SLC2A10: variants seen among roughly 807,000 people sequenced by gnomAD.
SLC2A10 encodes solute carrier family 2, facilitated glucose transporter member 10.
SLC2A10 carries 25 observed loss-of-function variants against 32.1 expected under a neutral mutation model. That is an observed-to-expected ratio of 0.78 (90% CI 0.57 to 1.09). The LOEUF (loss-of-function observed/expected upper bound fraction) is 1.09. Among genes scored for constraint, SLC2A10 ranks in the 50% least tolerant of loss-of-function variants. SLC2A10 has a pLI of 0.00. For missense variants in SLC2A10, 673 were observed against 686.5 expected, an observed-to-expected ratio of 0.98 and a Z score of 0.22; for synonymous variants, 332 against 309.6, an observed-to-expected ratio of 1.07 and a Z score of -0.76.
intron 1 of SLC2A10, among the ~76,000 whole-genome samples, chr20:46,722,697 C>T (rs2425903): frequency 0.46 from 69,818 of 152,050 alleles, 16,674 homozygotes; most frequent in East Asian, 0.69. Context: ...TAAAGTTTCT[C>T]ACACTATGCC....
chr20:46,709,358 G>T (rs1032798584), upstream of SLC2A10: 1 of 326,388 alleles, frequency 3.1e-6, no homozygotes, highest in East Asian at 6.4e-5. Context: ...GAGGCCAGGG[G>T]AAGACAGTGC....
chr20:46,731,512 C>T (rs985555105), intron 4 of SLC2A10, among the ~76,000 whole-genome samples: 3 of 152,160 alleles, frequency 2.0e-5, no homozygotes, highest in Admixed American at 6.5e-5. Flanking sequence ...TAAAAAGCAA[C>T]GGAGGCAGAA....
chr20:46,729,578 T>C, intron 4 of SLC2A10, 90 bp downstream of exon 4: 1 of 1,472,860 alleles, frequency 6.8e-7, no homozygotes, highest in East Asian at 2.3e-5. Flanking sequence ...GCTTTCCTTT[T>C]GCAAGCGGGC....
intron 1 of SLC2A10, among the ~76,000 whole-genome samples, chr20:46,719,129 G>T (rs1044117180): frequency 9.9e-5 from 15 of 151,936 alleles, no homozygotes; most frequent in African/African-American, 3.4e-4. Flanking sequence ...GCGGAGGGGG[G>T]TGTTGTTGTT....
Position 46,735,757 on chromosome 20 carries a change from G to T in SLC2A10, c.*1923G>T, listed in dbSNP as rs1340385760. ...TCAGTAATGCAAATTAAACTTTAAA[G>T]TATGTCTTGTTTGTAGCCAATACAT... On this transcript the variant is annotated 3_prime_UTR_variant, in exon 5 of 5. Transcript: ENST00000359271. 6.6e-6 allele frequency: 1 copy of T among 152,208 alleles called. No homozygotes were observed. Among genetic ancestry groups the T allele is most frequent in the South Asian group, 2.1e-4 (1 of 4,830 alleles). 9.4% of individuals were successfully genotyped at this position (152,208 alleles called of 1,614,324 possible). A position where few individuals can be genotyped will look rare whatever the true frequency, so the allele number is the denominator to read the frequency against.
intron 1 of SLC2A10, chr20:46,709,949 C>A: frequency 1.7e-6 from 1 of 575,168 alleles, no homozygotes; most frequent in Non-Finnish European, 3.0e-6. Flanking sequence ...ATCTTCCTTT[C>A]TGCCCCGGAA....
chr20:46,724,623 GTGGT>G (rs1296134921), intron 1 of SLC2A10, among the ~76,000 whole-genome samples: 2 of 136,510 alleles, frequency 1.5e-5, no homozygotes, highest in Admixed American at 1.4e-4. Flanking sequence ...TAGATGGATG[GTGGT>G]TGGATGGATG....
intron 1 of SLC2A10, among the ~76,000 whole-genome samples, chr20:46,721,053 G>T (rs1027114479): frequency 1.3e-5 from 2 of 152,180 alleles, no homozygotes; most frequent in African/African-American, 2.4e-5. Context: ...CCATGTGACA[G>T]TGTAGCCAGA....
chr20:46,725,664 G>A lies in SLC2A10; in HGVS notation c.628G>A (p.Gly210Ser). 1.2e-6 allele frequency: 2 copies of A among 1,613,978 alleles called. No homozygotes were observed. Among genetic ancestry groups the A allele is most frequent in the Non-Finnish European group, 1.7e-6 (2 of 1,179,946 alleles). ...PLQGGEAPKL[G>S]PGRPRYSFLD... The stretch of plus-strand genomic sequence containing the variant: ...CCAGGGAGGTGAGGCCCCCAAGCTG[G>A]GCCCGGGGAGGCCACGGTACTCCTT... Residue 210 changes from glycine (G) to serine (S), a missense_variant, in exon 2 of 5, where the codon GGC becomes AGC. Gly to Ser is a moderately conservative substitution (Grantham distance 56). Coordinates refer to ENST00000359271, the MANE Select transcript of SLC2A10 (RefSeq NM_030777.4).
Position 46,725,307 on chromosome 20 carries a change from ACCCTGGGCCTGGCTGGTT to A in SLC2A10, c.278_295del (p.Gly93_Leu98del). 10 of 1,614,014 alleles carry A rather than the reference ACCCTGGGCCTGGCTGGTT, an allele frequency of 6.2e-6. No individual in the cohort carries two copies. The highest frequency in any genetic ancestry group is 8.5e-6 in the Non-Finnish European group (10 of 1,180,014). ...CTTGGTGCTGCTGGCAGGCAGCCTG[ACCCTGGGCCTGGCTGGTT>A]CCCTGGCCTGGCTGGTCCTGGGCCG... On this transcript the variant is annotated inframe_deletion, in exon 2 of 5. Coordinates refer to ENST00000359271, the MANE Select transcript of SLC2A10 (RefSeq NM_030777.4).
intron 4 of SLC2A10, among the ~76,000 whole-genome samples, 154 bp downstream of exon 4, chr20:46,729,642 T>G (rs1279651480): frequency 2.4e-4 from 12 of 50,418 alleles, no homozygotes; most frequent in African/African-American, 5.3e-4. Flanking sequence ...TTTTTTTTTT[T>G]TTTTTTTTTT....
At chr20:46,715,782 T>C (rs1979202280) in intron 1 of SLC2A10, among the ~76,000 whole-genome samples, 1 of 152,212 alleles carries the variant, frequency 6.6e-6, no homozygotes, top group Non-Finnish European at 1.5e-5. Flanking sequence ...GTAGGGACTG[T>C]GGACCCAGAC....
At chr20:46,719,050 G>A (rs963104880) in intron 1 of SLC2A10, among the ~76,000 whole-genome samples, 3 of 152,214 alleles carry the variant, frequency 2.0e-5, no homozygotes, top group Non-Finnish European at 2.9e-5. Flanking sequence ...CCAAAGCGAT[G>A]AGATTACAGG....
rs551764272 is a variant in SLC2A10, at chr20:46,720,313, G to C, written c.5-4728G>C. Among the ~76,000 whole-genome samples, 9 of 152,258 alleles carry C rather than the reference G, an allele frequency of 5.9e-5. No individual in the cohort carries two copies. In the South Asian group the frequency reaches 8.3e-4, roughly 14 times the overall value. ...AAAAGAAGCAAATGGCAAGAAAACA[G>C]ATCTACCAAAAACAAAACAAAGCAA... is the stretch of plus-strand genomic sequence containing the variant. On this transcript the variant is annotated intron_variant, in intron 1 of 4. Transcript: ENST00000359271.
intron 1 of SLC2A10, among the ~76,000 whole-genome samples, chr20:46,712,651 C>CT (rs11477202): frequency 0.13 from 11,866 of 94,580 alleles, 1,081 homozygotes; most frequent in Admixed American, 0.17. Flanking sequence ...TTCTTTCTTT[C>CT]TTTTTTTTTT....
At chr20:46,716,744 C>T (rs540410362) in intron 1 of SLC2A10, among the ~76,000 whole-genome samples, 2 of 152,196 alleles carry the variant, frequency 1.3e-5, no homozygotes, top group South Asian at 4.2e-4. Flanking sequence ...TCAGGCTGGG[C>T]ATGGTGGCTC....
In SLC2A10 at chr20:46,734,295, T is replaced by C. The variant is rs1454619798; in HGVS notation, c.*461T>C. 2 of 46,648 alleles carry C rather than the reference T, an allele frequency of 4.3e-5. No individual in the cohort carries two copies. Among genetic ancestry groups the C allele is most frequent in the East Asian group, 2.9e-3 (1 of 348 alleles). The allele number at this position is 46,648 out of a possible 1,614,324, so 2.9% of individuals were successfully genotyped here. A position where few individuals can be genotyped will look rare whatever the true frequency, so the allele number is the denominator to read the frequency against. Reference sequence around the variant, plus strand: ...GAAGTCTCTTTTTTTACTCTTATCATTTTTTTTTTTTGAGGTGGAGTCTCA... The same window carrying C: ...GAAGTCTCTTTTTTTACTCTTATCACTTTTTTTTTTTGAGGTGGAGTCTCA... On this transcript the variant is annotated 3_prime_UTR_variant, in exon 5 of 5. Coordinates refer to ENST00000359271, the MANE Select transcript of SLC2A10 (RefSeq NM_030777.4).
Position 46,726,279 on chromosome 20 carries a change from T to G in SLC2A10, c.1243T>G (p.Cys415Gly), listed in dbSNP as rs1568986810. The G allele has an allele frequency of 6.2e-7, 1 of 1,612,704 alleles. No individual in the cohort carries two copies. The highest frequency in any genetic ancestry group is 1.3e-5 in the African/African-American group (1 of 75,076). Residue 415 changes from cysteine (C) to glycine (G), a missense_variant, in exon 2 of 5, where the codon TGC becomes GGC. Transcript: ENST00000359271. ...HALLRWTALL[C>G]LMVFVSAFSF... ...ACTGCTGCGCTGGACCGCACTGCTGTGCCTGATGGTCTTTGTCAGTGCCTT... is the reference window on the plus strand; with the variant it reads ...ACTGCTGCGCTGGACCGCACTGCTGGGCCTGATGGTCTTTGTCAGTGCCTT...
Position 46,726,126 on chromosome 20 carries a change from A to T in SLC2A10, c.1090A>T (p.Arg364Trp). 3.7e-6 allele frequency: 6 copies of T among 1,614,252 alleles called. No individual in the cohort carries two copies. The highest frequency in any genetic ancestry group is 5.1e-6 in the Non-Finnish European group (6 of 1,180,030). Residue 364 changes from arginine (R) to tryptophan (W), a missense_variant, in exon 2 of 5, where the codon AGG (arginine) becomes TGG (tryptophan). Transcript: ENST00000359271. ...CATTCCAAGGACCAATGAGGACCAA[A>T]GGGAGCCAATCTTGTCCACTGCTAA... ...PPIPRTNEDQ[R>W]EPILSTAKKT...
Sources: gnomAD v4.1 joint callset for allele counts (sites outside exome capture counted in the v4.1 genomes callset) on GRCh38, gnomAD v4.1.1 for gene constraint, MANE v1.5 for transcripts, NCBI Gene and HGNC (gene_info 2026-07-23, HGNC 2026-07-21) for gene names.